MTRF1: variants seen among roughly 807,000 people sequenced by gnomAD.
MTRF1 encodes peptide chain release factor 1, mitochondrial.
Under a neutral mutation model 62.9 loss-of-function variants are expected in MTRF1, and 51 were observed. That is an observed-to-expected ratio of 0.81 (90% CI 0.65 to 1.02). The LOEUF is 1.02. Among genes scored for constraint, MTRF1 ranks in the 50% least tolerant of loss-of-function variants. The pLI is 0.00. For missense variants in MTRF1, 446 were observed against 530.0 expected, an observed-to-expected ratio of 0.84 and a Z score of 1.56; for synonymous variants, 158 against 181.9, an observed-to-expected ratio of 0.87 and a Z score of 1.06.
At chr13:41,311,111 G>A in the MTRF1 span, 4 of 271,942 alleles carry the variant, frequency 1.5e-5, no homozygotes, top group Non-Finnish European at 2.8e-5. Flanking sequence ...AGCCCCAGGG[G>A]GTGCCGAGAT....
the MTRF1 span, among the ~76,000 whole-genome samples, chr13:41,302,089 C>T: frequency 4.6e-5 from 7 of 152,034 alleles, no homozygotes; most frequent in Admixed American, 2.0e-4. Context: ...TGCAGTGGCA[C>T]GATCTTGGCT....
At chr13:41,253,688 G>T (rs1013519321) in intron 3 of MTRF1, among the ~76,000 whole-genome samples, 3 of 152,170 alleles carry the variant, frequency 2.0e-5, no homozygotes, top group Admixed American at 6.5e-5. Flanking sequence ...TGTCCCTACT[G>T]CCAATTTCTG....
the MTRF1 span, chr13:41,311,366 G>T: frequency 1.6e-6 from 1 of 643,628 alleles, no homozygotes; most frequent in Non-Finnish European, 2.7e-6. Context: ...TGCCACCCGT[G>T]CCGAACAGCC....
intron 5 of MTRF1, among the ~76,000 whole-genome samples, chr13:41,251,285 C>T (rs1178091739): frequency 6.6e-6 from 1 of 152,178 alleles, no homozygotes; most frequent in Non-Finnish European, 1.5e-5. Flanking sequence ...GCAGTCTGCA[C>T]TAAATCTAGC....
the MTRF1 span, among the ~76,000 whole-genome samples, chr13:41,271,091 A>ACACACAC: frequency 6.7e-3 from 914 of 137,188 alleles, 6 homozygotes; most frequent in African/African-American, 0.024. Flanking sequence ...ACACACACAC[A>ACACACAC]CCCCATATAG....
chr13:41,247,043 C>T (rs1170266786), intron 5 of MTRF1, among the ~76,000 whole-genome samples: 1 of 152,216 alleles, frequency 6.6e-6, no homozygotes, highest in Non-Finnish European at 1.5e-5. Flanking sequence ...ATGAGTAGTG[C>T]CTCAAGGCAT....
In MTRF1 at chr13:41,253,679, G is replaced by C. The variant is rs531528882; in HGVS notation, c.508-649C>G. 1.2e-4 allele frequency among the ~76,000 whole-genome samples: 18 copies of C among 152,302 alleles called. No homozygotes were observed. In the South Asian group the frequency reaches 3.7e-3, roughly 32 times the overall value. On this transcript the variant is annotated intron_variant, in intron 3 of 9. Transcript: ENST00000379480. ...GTAAAAGTACCTATGTGTCATGACT[G>C]TCCCTACTGCCAATTTCTGAAATAC... is the stretch of plus-strand genomic sequence containing the variant.
the MTRF1 span, among the ~76,000 whole-genome samples, chr13:41,301,011 A>G: frequency 1.3e-5 from 2 of 152,204 alleles, no homozygotes; most frequent in Non-Finnish European, 2.9e-5. Context: ...TCTCATGGAT[A>G]ATAGTATTTT....
chr13:41,252,928 T>TA (rs2039258530), intron 4 of MTRF1, 21 bp downstream of exon 4: 2 of 1,544,014 alleles, frequency 1.3e-6, no homozygotes, highest in Admixed American at 3.7e-5. Context: ...ATCATTTAAA[T>TA]AATAAAGTAA....
At chr13:41,311,867 C>T in the MTRF1 span, among the ~76,000 whole-genome samples, 1 of 152,262 alleles carries the variant, frequency 6.6e-6, no homozygotes. Flanking sequence ...TGCCCGGGCA[C>T]AGCCGCCTCG....
At chr13:41,225,222 A>AC (rs1050676321) in intron 8 of MTRF1, among the ~76,000 whole-genome samples, 1 of 151,658 alleles carries the variant, frequency 6.6e-6, no homozygotes, top group Admixed American at 6.6e-5. Context: ...AAAAAAAAAA[A>AC]AAAAAACTTT....
chr13:41,293,176 A>G, the MTRF1 span, among the ~76,000 whole-genome samples: 4 of 149,772 alleles, frequency 2.7e-5, no homozygotes, highest in African/African-American at 9.9e-5. Flanking sequence ...GTGTGTGTTT[A>G]GATGTATTTA....
chr13:41,259,696 C>T (rs1172675119), intron 2 of MTRF1, among the ~76,000 whole-genome samples: 6 of 123,562 alleles, frequency 4.9e-5, no homozygotes, highest in African/African-American at 1.2e-4. Flanking sequence ...AGCGAGACTC[C>T]GTCTCAAAAA....
the MTRF1 span, among the ~76,000 whole-genome samples, chr13:41,296,142 C>T: frequency 1.3e-5 from 2 of 152,118 alleles, no homozygotes; most frequent in African/African-American, 4.8e-5. Context: ...TACCAGGTCT[C>T]CCTATGTTGC....
chr13:41,221,248 C>T (rs2033286082), intron 9 of MTRF1, among the ~76,000 whole-genome samples: 1 of 151,840 alleles, frequency 6.6e-6, no homozygotes, highest in Non-Finnish European at 1.5e-5. Context: ...GTTCCACCTC[C>T]CGGGTTCATG....
At chr13:41,239,914 A>G (rs2037233643) in intron 6 of MTRF1, among the ~76,000 whole-genome samples, 1 of 152,186 alleles carries the variant, frequency 6.6e-6, no homozygotes, top group Admixed American at 6.5e-5. Flanking sequence ...TAATCCCACC[A>G]CTTTGGAAGG....
chr13:41,251,449 A>G (rs1034736252), intron 5 of MTRF1, among the ~76,000 whole-genome samples: 3 of 152,000 alleles, frequency 2.0e-5, no homozygotes, highest in African/African-American at 7.2e-5. Context: ...ACTCAAACCT[A>G]CTTCAGCGAT....
chr13:41,218,281 A>ATTTTTTT (rs199717534), intron 9 of MTRF1, among the ~76,000 whole-genome samples: 17 of 117,880 alleles, frequency 1.4e-4, no homozygotes, highest in African/African-American at 5.4e-4. Context: ...CACCCAGCTA[A>ATTTTTTT]TTTTTTTTTT....
At chr13:41,232,309 G>C (rs1468109411) in intron 7 of MTRF1, among the ~76,000 whole-genome samples, 3 of 140,178 alleles carry the variant, frequency 2.1e-5, no homozygotes, top group South Asian at 4.9e-4. Context: ...TCAGAAAAAA[G>C]GGTAGGAAAA....
Sources: gnomAD v4.1 joint callset for allele counts (sites outside exome capture counted in the v4.1 genomes callset) on GRCh38, gnomAD v4.1.1 for gene constraint, MANE v1.5 for transcripts, NCBI Gene and HGNC (gene_info 2026-07-23, HGNC 2026-07-21) for gene names.